Variants in NUP153 observed in about 807,000 individuals in gnomAD.
NUP153 encodes the protein nucleoporin 153.
A neutral mutation model predicts 134.6 loss-of-function variants in NUP153; 27 were observed. That is an observed-to-expected ratio of 0.20 (90% CI 0.15 to 0.28). The LOEUF (loss-of-function observed/expected upper bound fraction) is 0.28, where lower values mean the gene tolerates loss of function less well. NUP153 is among the 10% of genes least tolerant of loss of function. The pLI is 1.00. For synonymous variants in NUP153, 640 were observed against 623.5 expected (o/e 1.03, Z -0.40); for missense variants, 1,821 against 1,731.3 (o/e 1.05, Z -0.92).
At chr6:17,697,660 C>T (rs1442029935) in intron 1 of NUP153, among the ~76,000 whole-genome samples, 1 of 152,152 alleles carries the variant, frequency 6.6e-6, no homozygotes, top group Non-Finnish European at 1.5e-5. Flanking sequence ...TGCACTCCAG[C>T]CTGGGCGACT....
intron 5 of NUP153, among the ~76,000 whole-genome samples, chr6:17,671,158 C>T (rs1377750773): frequency 6.6e-6 from 1 of 152,110 alleles, no homozygotes; most frequent in African/African-American, 2.4e-5. Context: ...GGATAAACCC[C>T]ACTTGATCAT....
intron 20 of NUP153, among the ~76,000 whole-genome samples, chr6:17,619,973 C>T (rs765889878): frequency 1.3e-5 from 2 of 151,894 alleles, no homozygotes; most frequent in Non-Finnish European, 2.9e-5. Context: ...TGGCACGCGC[C>T]TGTAATCCCA....
At chr6:17,703,667 AAAG>A (rs1345467865) in intron 1 of NUP153, among the ~76,000 whole-genome samples, 1 of 151,988 alleles carries the variant, frequency 6.6e-6, no homozygotes, top group African/African-American at 2.4e-5. Flanking sequence ...AAAAAAAAAA[AAAG>A]GAGAGTATTC....
chr6:17,657,408 A>AT (rs1407360551), intron 11 of NUP153, among the ~76,000 whole-genome samples: 53 of 151,518 alleles, frequency 3.5e-4, no homozygotes, highest in South Asian at 2.3e-3. Flanking sequence ...AAATAAAAAA[A>AT]AAAAAAATAG....
At chr6:17,673,038 C>T (rs1462023857) in intron 5 of NUP153, among the ~76,000 whole-genome samples, 1 of 152,140 alleles carries the variant, frequency 6.6e-6, no homozygotes, top group African/African-American at 2.4e-5. Context: ...TAAGAATACA[C>T]ACACACGCAC....
chr6:17,684,236 T>G (rs777179366), intron 2 of NUP153, among the ~76,000 whole-genome samples: 9 of 152,208 alleles, frequency 5.9e-5, no homozygotes, highest in Non-Finnish European at 1.2e-4. Flanking sequence ...GAATGCAAAA[T>G]GGACTAATAA....
At chr6:17,657,401 TAAA>T in intron 11 of NUP153, among the ~76,000 whole-genome samples, 1 of 140,418 alleles carries the variant, frequency 7.1e-6, no homozygotes, top group African/African-American at 2.7e-5. Context: ...AATAAAAAAA[TAAA>T]AAAAAAAAAA....
intron 14 of NUP153, among the ~76,000 whole-genome samples, chr6:17,645,514 G>A (rs1174571994): frequency 6.7e-6 from 1 of 149,304 alleles, no homozygotes; most frequent in Non-Finnish European, 1.5e-5. Flanking sequence ...TGCTGCCTAG[G>A]ATCGTCTTGA....
At chr6:17,699,203 T>TA (rs1435850412) in intron 1 of NUP153, among the ~76,000 whole-genome samples, 1 of 127,544 alleles carries the variant, frequency 7.8e-6, no homozygotes, top group African/African-American at 2.9e-5. Flanking sequence ...TTTTTTTTTT[T>TA]AAATACAAGC....
At chr6:17,619,273 A>G (rs1297230209) in intron 20 of NUP153, among the ~76,000 whole-genome samples, 1 of 152,250 alleles carries the variant, frequency 6.6e-6, no homozygotes. Flanking sequence ...TGGGGAGAGA[A>G]TAAAGATCCC....
Position 17,669,541 on chromosome 6 carries a change from T to C in NUP153, c.858A>G (p.Pro286=). The C allele has an allele frequency of 6.2e-7, 1 of 1,604,792 alleles. No homozygotes were observed. Among genetic ancestry groups the C allele is most frequent in the Non-Finnish European group, 8.5e-7 (1 of 1,171,480 alleles). ...GCTTAGCTTTCATTTGTCTTCTAAC[T>C]GGTGCCTGTAAAGTAAACCCTATAT... is the stretch of plus-strand genomic sequence containing the variant. The part of the protein sequence containing the change: ...SKLRNTPYQA[P]VRRQMKAKQL... Residue 286 remains proline (P), a synonymous_variant, in exon 6 of 22, where the codon CCA becomes CCG. Transcript: ENST00000262077.
chr6:17,674,909 T>A lies in NUP153; in HGVS notation c.848A>T (p.Tyr283Phe). ...AACCCTTCTATTGGAACCTACCTGA[T>A]AAGGTGTATTTCGTAGTTTAGACTG... ...VRQSKLRNTP[Y>F]QAPVRRQMKA... Residue 283 changes from tyrosine to phenylalanine, a missense_variant, in exon 5 of 22, where the codon TAT becomes TTT. Tyr to Phe is a conservative substitution (Grantham distance 22). Coordinates refer to ENST00000262077, the MANE Select transcript of NUP153 (RefSeq NM_005124.4). 1.3e-6 allele frequency: 2 copies of A among 1,593,890 alleles called. No homozygotes were observed. The highest frequency in any genetic ancestry group is 1.7e-6 in the Non-Finnish European group (2 of 1,171,834).
At position 17,662,195 on chromosome 6, in the gene NUP153, C is replaced by A. The variant is rs146889233; in HGVS notation, c.1216-125G>T. The A allele has an allele frequency of 7.3e-5, 61 of 840,118 alleles. No homozygotes were observed. The Admixed American group carries it at 1.5e-3, about 20-fold the overall frequency. The allele number at this position is 840,118 out of a possible 1,614,324, so 52.0% of individuals were successfully genotyped here. A position where few individuals can be genotyped will look rare whatever the true frequency, so the allele number is the denominator to read the frequency against. On this transcript the variant is annotated intron_variant, in intron 9 of 21. Coordinates refer to ENST00000262077, the MANE Select transcript of NUP153 (RefSeq NM_005124.4). ...TTGATGGCTTTTTAGTTAATGAATCCTGAAATTTGAAATTACACCCTGCCT... is the reference window on the plus strand; with the variant it reads ...TTGATGGCTTTTTAGTTAATGAATCATGAAATTTGAAATTACACCCTGCCT...
At chr6:17,622,460 G>GT (rs1399675366) in intron 20 of NUP153, among the ~76,000 whole-genome samples, 2 of 152,094 alleles carry the variant, frequency 1.3e-5, no homozygotes, top group Non-Finnish European at 2.9e-5. Flanking sequence ...GTGAGACCCT[G>GT]TCTCAAAAAA....
chr6:17,687,328 A>G (rs940074380), intron 2 of NUP153, among the ~76,000 whole-genome samples: 1 of 152,220 alleles, frequency 6.6e-6, no homozygotes, highest in Non-Finnish European at 1.5e-5. Flanking sequence ...AAACAGAAAA[A>G]GAAAAGCCAG....
intron 2 of NUP153, among the ~76,000 whole-genome samples, chr6:17,678,501 T>C (rs1298894149): frequency 1.3e-5 from 2 of 152,120 alleles, no homozygotes; most frequent in East Asian, 1.9e-4. Flanking sequence ...AAAAATAAGA[T>C]CATTTTACCT....
intron 11 of NUP153, 52 bp downstream of exon 11, chr6:17,661,601 A>G: frequency 6.4e-7 from 1 of 1,563,392 alleles, no homozygotes; most frequent in East Asian, 2.3e-5. Context: ...TACCACCACC[A>G]CACCAATGCT....
chr6:17,647,275 C>T (rs1766247269), intron 13 of NUP153, among the ~76,000 whole-genome samples: 1 of 152,150 alleles, frequency 6.6e-6, no homozygotes. Context: ...CAAACATTCA[C>T]TTTTCAATCA....
intron 1 of NUP153, among the ~76,000 whole-genome samples, chr6:17,698,474 C>T (rs1477968792): frequency 2.0e-5 from 3 of 152,080 alleles, no homozygotes; most frequent in Non-Finnish European, 4.4e-5. Flanking sequence ...CGTGGTGGCT[C>T]ACGCCTGTAA....
Sources: allele counts gnomAD v4.1 joint callset (sites outside exome capture counted in the v4.1 genomes callset), GRCh38; gene constraint gnomAD v4.1.1; transcripts MANE v1.5; gene names NCBI Gene and HGNC (gene_info 2026-07-23, HGNC 2026-07-21).